Variants in RUNX1T1 observed in about 807,000 individuals in gnomAD.
The protein encoded by RUNX1T1 is protein CBFA2T1.
Under a neutral mutation model 62.8 loss-of-function variants are expected in RUNX1T1, and 4 were observed. That is an observed-to-expected ratio of 0.06 (90% CI 0.03 to 0.15). The LOEUF (loss-of-function observed/expected upper bound fraction) is 0.15. RUNX1T1 is among the 10% of genes least tolerant of loss of function. The pLI, the probability that RUNX1T1 is intolerant of heterozygous loss-of-function variation, is 1.00. For missense variants in RUNX1T1, 508 were observed against 754.3 expected (o/e 0.67, Z 3.82); for synonymous variants, 291 against 286.0 (o/e 1.02, Z -0.18).
exon 11 of RUNX1T1, chr8:91,959,516 G>C: frequency 6.4e-6 from 1 of 157,426 alleles, no homozygotes; most frequent in Non-Finnish European, 1.3e-5. Context: ...ATATATATAT[G>C]GAGCCTTTTG....
intron 3 of RUNX1T1, among the ~76,000 whole-genome samples, chr8:92,013,748 C>T (rs191369051): frequency 2.6e-5 from 4 of 152,188 alleles, no homozygotes; most frequent in Non-Finnish European, 5.9e-5. Flanking sequence ...ATGTGCAGAA[C>T]GTAGTGTAAT....
intron 5 of RUNX1T1, among the ~76,000 whole-genome samples, chr8:91,995,862 T>C (rs141036128): frequency 2.2e-4 from 33 of 152,354 alleles, no homozygotes; most frequent in African/African-American, 7.9e-4. Context: ...ATCTCTCTGG[T>C]GCTTCCTCAA....
chr8:92,026,746 C>T (rs1244550504), intron 1 of RUNX1T1, among the ~76,000 whole-genome samples: 1 of 151,664 alleles, frequency 6.6e-6, no homozygotes, highest in African/African-American at 2.4e-5. Context: ...GGCGTAAACC[C>T]GTGAGGTGGA....
At chr8:91,971,011 A>AT (rs1177149962) in intron 9 of RUNX1T1, 163 bp from the exon 11 acceptor site, 3 of 500,196 alleles carry the variant, frequency 6.0e-6, no homozygotes, top group African/African-American at 5.9e-5. Context: ...AGCAGCTGGA[A>AT]TTACAGGAGC....
At chr8:92,052,061 G>C (rs1830334393) in intron 1 of RUNX1T1, among the ~76,000 whole-genome samples, 1 of 152,116 alleles carries the variant, frequency 6.6e-6, no homozygotes, top group African/African-American at 2.4e-5. Flanking sequence ...AAGCGTGTCA[G>C]ACTACACTTA....
chr8:91,988,103 T>C (rs935883056), intron 6 of RUNX1T1, among the ~76,000 whole-genome samples: 3 of 152,148 alleles, frequency 2.0e-5, no homozygotes, highest in African/African-American at 7.2e-5. Context: ...CACTGAATTT[T>C]ACTTTTTGTG....
chr8:92,060,549 AT>A lies in RUNX1T1; in HGVS notation c.7+1996del, dbSNP rs1317091634. Among the ~76,000 whole-genome samples the A allele has an allele frequency of 2.1e-3, 225 of 107,044 alleles. 5 individuals carry two copies. Among genetic ancestry groups the A allele is most frequent in the East Asian group, 0.011 (53 of 4,738 alleles). The allele number at this position is 107,044 out of a possible 152,430, so 70.2% of individuals were successfully genotyped here. On this transcript the variant is annotated intron_variant, in intron 1 of 10. Transcript: ENST00000396218. ...TATATATATATATATATATATATAT[AT>A]ATATGTGTGTGTGTGTGTGTGTGTG...
chr8:91,968,036 C>T (rs909672760), intron 10 of RUNX1T1, among the ~76,000 whole-genome samples: 3 of 152,028 alleles, frequency 2.0e-5, no homozygotes, highest in African/African-American at 4.8e-5. Flanking sequence ...AAATGAATAT[C>T]GTCCCATTCC....
At chr8:92,027,097 CA>C (rs1200483769) in intron 1 of RUNX1T1, among the ~76,000 whole-genome samples, 31 of 119,434 alleles carry the variant, frequency 2.6e-4, no homozygotes, top group Non-Finnish European at 4.5e-4. Context: ...GCCTGGGCGA[CA>C]GAGCGAAACT....
intron 5 of RUNX1T1, chr8:92,003,392 G>C (rs1420106308): frequency 8.8e-6 from 4 of 456,068 alleles, no homozygotes; most frequent in Non-Finnish European, 1.8e-5. Flanking sequence ...TGGAAATACA[G>C]AGAAATGAAT....
chr8:92,062,454 C>T lies in RUNX1T1; in HGVS notation c.7+92G>A, dbSNP rs139958778. 3.3e-3 allele frequency: 4,589 copies of T among 1,380,880 alleles called. 106 individuals carry two copies. In the African/African-American group the frequency reaches 0.051, roughly 15 times the overall value. 85.5% of individuals were successfully genotyped at this position (1,380,880 alleles called of 1,614,324 possible). A position where few individuals can be genotyped will look rare whatever the true frequency, so the allele number is the denominator to read the frequency against. The stretch of plus-strand genomic sequence containing the variant: ...CTTCCTGCCCACATCAGATACAACA[C>T]GCTGTGGGGCAGAAGGTATTTTCCA... On this transcript the variant is annotated intron_variant, in intron 1 of 10. Transcript: ENST00000396218.
downstream of RUNX1T1, chr8:91,956,200 G>A (rs145346469): frequency 5.9e-4 from 137 of 231,056 alleles, no homozygotes; most frequent in African/African-American, 2.8e-3. Flanking sequence ...TATCTATGCA[G>A]CAGCTAATCT....
intron 1 of RUNX1T1, among the ~76,000 whole-genome samples, chr8:92,060,913 C>G (rs1286143160): frequency 6.7e-6 from 1 of 148,208 alleles, no homozygotes; most frequent in East Asian, 1.9e-4. Context: ...GGTTTTCTAA[C>G]ACAGTTGATG....
intron 1 of RUNX1T1, among the ~76,000 whole-genome samples, chr8:92,032,680 T>C (rs1826486089): frequency 6.6e-6 from 1 of 152,138 alleles, no homozygotes; most frequent in Non-Finnish European, 1.5e-5. Context: ...TCTGCACAGC[T>C]AGGAAGGAAG....
intron 3 of RUNX1T1, 49 bp from the exon 5 acceptor site, chr8:92,011,140 G>T: frequency 1.9e-6 from 2 of 1,027,602 alleles, no homozygotes; most frequent in Non-Finnish European, 1.5e-6. Flanking sequence ...TTGGTAAATA[G>T]TAAAAACACA....
At chr8:92,032,080 G>A (rs1321409071) in intron 1 of RUNX1T1, among the ~76,000 whole-genome samples, 2 of 120,258 alleles carry the variant, frequency 1.7e-5, no homozygotes, top group East Asian at 2.5e-4. Flanking sequence ...GCGGCAGAGC[G>A]AGAATCCTGT....
At chr8:92,070,875 A>G (rs1229953984) in intron 2 of RUNX1T1, among the ~76,000 whole-genome samples, 1 of 152,214 alleles carries the variant, frequency 6.6e-6, no homozygotes, top group African/African-American at 2.4e-5. Flanking sequence ...AAATCACTGC[A>G]CATGTAGTCA....
intron 1 of RUNX1T1, chr8:92,062,430 TTCCTGCCCACA>T (rs1832194960): frequency 8.5e-7 from 1 of 1,175,386 alleles, no homozygotes; most frequent in Admixed American, 1.7e-5. Flanking sequence ...CCCCAGCCTC[TTCCTGCCCACA>T]TCAGATACAA....
exon 11 of RUNX1T1, chr8:91,959,406 TCTTA>T (rs1381535132): frequency 4.6e-6 from 1 of 215,856 alleles, no homozygotes. Flanking sequence ...AGGCTGAGTC[TCTTA>T]CTTGTGTGTG....
Sources: allele counts gnomAD v4.1 joint callset (sites outside exome capture counted in the v4.1 genomes callset), GRCh38; gene constraint gnomAD v4.1.1; transcripts MANE v1.5; gene names NCBI Gene and HGNC (gene_info 2026-07-23, HGNC 2026-07-21).